SLC25A25: variants seen among roughly 807,000 people sequenced by gnomAD.
The protein encoded by SLC25A25 is solute carrier family 25 member 25.
Under a neutral mutation model 57.7 loss-of-function variants are expected in SLC25A25, and 32 were observed. The ratio of observed to expected loss-of-function variants is 0.55; its 90% CI spans 0.42 to 0.74. The LOEUF (loss-of-function observed/expected upper bound fraction) is 0.74, where lower values mean the gene tolerates loss of function less well. SLC25A25 is among the 30% of genes least tolerant of loss of function. SLC25A25 has a pLI of 0.00. For synonymous variants in SLC25A25, 306 were observed against 291.2 expected, an observed-to-expected ratio of 1.05 and a Z score of -0.52; for missense variants, 556 against 701.3, an observed-to-expected ratio of 0.79 and a Z score of 2.34.
intron 1 of SLC25A25, among the ~76,000 whole-genome samples, chr9:128,079,409 CAAAAA>C (rs375501116): frequency 8.4e-5 from 5 of 59,802 alleles, no homozygotes; most frequent in Non-Finnish European, 1.7e-4. Context: ...CTGCTGATGC[CAAAAA>C]AAAAAAAAAA....
rs1158207608 is a variant in SLC25A25, at chr9:128,107,061, A to G, written c.1245A>G (p.Ala415=). The change falls in exon 10 of 11, where the codon GCA becomes GCG. Residue 415 remains alanine (A), a synonymous_variant. Coordinates refer to ENST00000373069, the MANE Select transcript of SLC25A25 (RefSeq NM_001330988.2). ...TLKNAWLQHY[A]VNSADPGVFV... is the part of the protein sequence containing the mutation. The stretch of plus-strand genomic sequence containing the variant: ...AGAATGCCTGGCTGCAGCACTATGC[A>G]GTGAACAGCGCGGACCCCGGCGTGT... The G allele has an allele frequency of 6.2e-7, 1 of 1,614,118 alleles. No individual in the cohort carries two copies. The highest frequency in any genetic ancestry group is 8.5e-7 in the Non-Finnish European group (1 of 1,180,014).
rs748220703 is a variant in SLC25A25, at chr9:128,102,387, C to T, written c.530C>T (p.Thr177Met). The change falls in exon 5 of 11, where the codon ACG (threonine) becomes ATG (methionine). Residue 177 changes from threonine to methionine, a missense_variant. Transcript: ENST00000373069. This position sits in a 1 kb window ranked among gnomAD's most constrained non-coding sequence, Gnocchi z 4.1. ...TCTTGCAGCATGGATAAAAACGGCACGATGACCATTGACTGGAACGAGTGG... is the reference window on the plus strand; with the variant it reads ...TCTTGCAGCATGGATAAAAACGGCATGATGACCATTGACTGGAACGAGTGG... The part of the protein sequence containing the change: ...GPVTYMDKNG[T>M]MTIDWNEWRD... 1.9e-4 allele frequency: 312 copies of T among 1,613,820 alleles called. No homozygotes were observed. The highest frequency in any genetic ancestry group is 4.5e-5 in the East Asian group (2 of 44,876).
chr9:128,068,685 C>G (rs1588738888), intron 1 of SLC25A25, 105 bp downstream of exon 1: 1 of 1,248,102 alleles, frequency 8.0e-7, no homozygotes. Context: ...CCCCACTGTC[C>G]AGAGGAAGGG....
In SLC25A25 at chr9:128,098,498, G is replaced by A. The variant is rs750704925; in HGVS notation, c.262-2598G>A. 4.0e-4 allele frequency: 617 copies of A among 1,544,926 alleles called. 4 individuals carry two copies. The highest frequency in any genetic ancestry group is 1.2e-4 in the South Asian group (10 of 81,418). On this transcript the variant is annotated intron_variant, in intron 1 of 10. Transcript: ENST00000373069. ...CAGGCTTGTCTTATGCAAGTTTCCC[G>A]GGACCGGCAGCATTTAGGGAACTTG...
intron 1 of SLC25A25, chr9:128,091,326 A>T (rs1260410523): frequency 1.7e-6 from 1 of 593,686 alleles, no homozygotes; most frequent in Non-Finnish European, 2.1e-6. Context: ...GGCTTCATGC[A>T]GGCAATCAGC....
intron 1 of SLC25A25, among the ~76,000 whole-genome samples, chr9:128,076,611 G>A (rs1435789483): frequency 1.3e-5 from 2 of 151,298 alleles, no homozygotes; most frequent in East Asian, 1.9e-4. Flanking sequence ...GACTACAGGC[G>A]CCCACCACCA....
intron 1 of SLC25A25, among the ~76,000 whole-genome samples, chr9:128,097,797 A>G (rs1056300496): frequency 5.3e-5 from 8 of 152,092 alleles, no homozygotes; most frequent in African/African-American, 1.9e-4. Context: ...GCTCCTGGGC[A>G]CTCTGGGGCT....
At chr9:128,082,366 C>T (rs766334110) in intron 1 of SLC25A25, among the ~76,000 whole-genome samples, 1 of 152,142 alleles carries the variant, frequency 6.6e-6, no homozygotes, top group Non-Finnish European at 1.5e-5. Context: ...CCAATTGTTG[C>T]TGAGTCACAT....
Position 128,103,540 on chromosome 9 carries a change from C to T in SLC25A25, c.625-141C>T. Reference sequence around the variant, plus strand: ...TCAGAGTGAAGGGAAAGACCCCAGCCCGCTTCCCACCCAGAGTCCTTGGCC... The same window carrying T: ...TCAGAGTGAAGGGAAAGACCCCAGCTCGCTTCCCACCCAGAGTCCTTGGCC... On this transcript the variant is annotated intron_variant, in intron 5 of 10. Transcript: ENST00000373069. The surrounding 1 kb of genome is among the most constrained non-coding windows in gnomAD (Gnocchi z 6.7). 1.0e-6 allele frequency: 1 copy of T among 979,282 alleles called. No individual in the cohort carries two copies. Among genetic ancestry groups the T allele is most frequent in the Non-Finnish European group, 1.5e-6 (1 of 655,316 alleles). The allele number at this position is 979,282 out of a possible 1,614,324, so 60.7% of individuals were successfully genotyped here.
chr9:128,085,001 C>T (rs997783116), intron 1 of SLC25A25, among the ~76,000 whole-genome samples: 1 of 152,034 alleles, frequency 6.6e-6, no homozygotes, highest in Non-Finnish European at 1.5e-5. Context: ...TATTAACCTA[C>T]AAGGAAATCA....
At chr9:128,091,211 A>G (rs10819354) in intron 1 of SLC25A25, 115,730 of 155,312 alleles carry the variant, frequency 0.75, 44,962 homozygotes, top group Non-Finnish European at 0.85. Flanking sequence ...AAGCAACCCG[A>G]GTGGAGGGCA....
At position 128,107,888 on chromosome 9, in the gene SLC25A25, G is replaced by A. The variant is rs913663860; in HGVS notation, c.*444G>A. 2.5e-6 allele frequency: 1 copy of A among 401,178 alleles called. No individual in the cohort carries two copies. Among genetic ancestry groups the A allele is most frequent in the African/African-American group, 2.1e-5 (1 of 48,662 alleles). 24.9% of individuals were successfully genotyped at this position (401,178 alleles called of 1,614,324 possible). A position where few individuals can be genotyped will look rare whatever the true frequency, so the allele number is the denominator to read the frequency against. The stretch of plus-strand genomic sequence containing the variant: ...TGTCTGCTGAGGTAAGGTGGGAGGA[G>A]GGCTACAGCCCACATCCCACCCCCT... On this transcript the variant is annotated 3_prime_UTR_variant, in exon 11 of 11. Transcript: ENST00000373069.
At chr9:128,098,086 A>T (rs907541404) in intron 1 of SLC25A25, among the ~76,000 whole-genome samples, 1 of 152,182 alleles carries the variant, frequency 6.6e-6, no homozygotes, top group Non-Finnish European at 1.5e-5. Context: ...GTCTCTCTCC[A>T]ACTACTGATT....
Position 128,103,669 on chromosome 9 carries a change from C to CT in SLC25A25, c.625-9dup. The CT allele has an allele frequency of 1.9e-6, 3 of 1,614,194 alleles. No individual in the cohort carries two copies. The South Asian group carries it at 3.3e-5, about 18-fold the overall frequency. ...GGGTCCTGAGTCAGGCTTGTGCCAT[C>CT]TTTCCTCACAGATCTTTGATGTGGG... On this transcript the variant is annotated splice_polypyrimidine_tract_variant and intron_variant, in intron 5 of 10. Coordinates refer to ENST00000373069, the MANE Select transcript of SLC25A25 (RefSeq NM_001330988.2). This position sits in a 1 kb window ranked among gnomAD's most constrained non-coding sequence, Gnocchi z 6.7.
In SLC25A25 at chr9:128,102,225, C is replaced by A; in HGVS notation, c.512+110C>A. On this transcript the variant is annotated intron_variant, in intron 4 of 10. Coordinates refer to ENST00000373069, the MANE Select transcript of SLC25A25 (RefSeq NM_001330988.2). The surrounding 1 kb of genome is among the most constrained non-coding windows in gnomAD (Gnocchi z 4.1). ...TTGTTGTGCTAAGTGGGGTGTGGAGCCCCCTGCTCTTTCTCCTGGGGGCAG... is the reference window on the plus strand; with the variant it reads ...TTGTTGTGCTAAGTGGGGTGTGGAGACCCCTGCTCTTTCTCCTGGGGGCAG... 6.9e-7 allele frequency: 1 copy of A among 1,442,284 alleles called. No homozygotes were observed. Among genetic ancestry groups the A allele is most frequent in the Non-Finnish European group, 9.5e-7 (1 of 1,048,194 alleles). The allele number at this position is 1,442,284 out of a possible 1,614,324, so 89.3% of individuals were successfully genotyped here.
At chr9:128,079,603 C>CA (rs531439672) in intron 1 of SLC25A25, among the ~76,000 whole-genome samples, 14,753 of 47,746 alleles carry the variant, frequency 0.31, 1,356 homozygotes, top group Non-Finnish European at 0.34. Context: ...ACTAAAAATA[C>CA]AAAAAAAAAA....
intron 1 of SLC25A25, among the ~76,000 whole-genome samples, chr9:128,078,226 A>G (rs1378662315): frequency 6.6e-6 from 1 of 152,146 alleles, no homozygotes; most frequent in Non-Finnish European, 1.5e-5. Flanking sequence ...AGAGCCCAGG[A>G]CTGGGTCTGG....
rs764639834 is a variant in SLC25A25 at position 128,107,055 on chromosome 9, C to G, written c.1239C>G (p.His413Gln). The G allele has an allele frequency of 3.1e-6, 5 of 1,614,154 alleles. No individual in the cohort carries two copies. In the South Asian group the frequency reaches 5.5e-5, roughly 18 times the overall value. Residue 413 changes from histidine (H) to glutamine (Q), a missense_variant, in exon 10 of 11, where the codon CAC (histidine) becomes CAG (glutamine). Around this residue, in one of 3 missense-constraint regions of SLC25A25, gnomAD observed 294 missense variants for 389.6 expected, o/e 0.75. Coordinates refer to ENST00000373069, the MANE Select transcript of SLC25A25 (RefSeq NM_001330988.2). The stretch of plus-strand genomic sequence containing the variant: ...CGCTCAAGAATGCCTGGCTGCAGCA[C>G]TATGCAGTGAACAGCGCGGACCCCG... ...YETLKNAWLQ[H>Q]YAVNSADPGV...
chr9:128,081,622 A>G lies in SLC25A25; in HGVS notation c.261+13042A>G, dbSNP rs1833157517. On this transcript the variant is annotated intron_variant, in intron 1 of 10. Coordinates refer to ENST00000373069, the MANE Select transcript of SLC25A25 (RefSeq NM_001330988.2). ...ATCTAAAGGAGAATCATGCTCTTAT[A>G]AGAGCAGAAAAAGAAGAGAAATTAG... 4.6e-5 allele frequency among the ~76,000 whole-genome samples: 7 copies of G among 152,220 alleles called. No homozygotes were observed. In the South Asian group the frequency reaches 1.2e-3, roughly 27 times the overall value.
Sources: allele counts gnomAD v4.1 joint callset (sites outside exome capture counted in the v4.1 genomes callset), GRCh38; gene constraint gnomAD v4.1.1; regional missense constraint gnomAD v4.1.1; non-coding constraint Gnocchi (gnomAD v3.1); transcripts MANE v1.5; gene names NCBI Gene and HGNC (gene_info 2026-07-23, HGNC 2026-07-21).